Variants in ALG14 observed in about 807,000 individuals in gnomAD.
ALG14 encodes the protein ALG14 UDP-N-acetylglucosaminyltransferase subunit, also known as UDP-N-acetylglucosamine transferase subunit ALG14.
ALG14 carries 17 observed loss-of-function variants against 22.8 expected under a neutral mutation model. That is an observed-to-expected ratio of 0.75 (90% CI 0.51 to 1.12). ALG14 has a LOEUF of 1.12. Ranked by LOEUF, ALG14 falls within the 50% of genes most tolerant of loss-of-function variation. The pLI is 0.00. For synonymous variants in ALG14, 89 were observed against 103.7 expected (o/e 0.86, Z 0.86); for missense variants, 288 against 271.8 (o/e 1.06, Z -0.42).
chr1:94,997,304 A>G (rs1672934047), intron 3 of ALG14, among the ~76,000 whole-genome samples: 1 of 152,174 alleles, frequency 6.6e-6, no homozygotes, highest in Non-Finnish European at 1.5e-5. Flanking sequence ...CTCCCAGAGT[A>G]GTCTTAAAGG....
chr1:95,069,325 A>G (rs1006163556), intron 1 of ALG14, among the ~76,000 whole-genome samples: 2 of 152,162 alleles, frequency 1.3e-5, no homozygotes, highest in Admixed American at 1.3e-4. Flanking sequence ...AAAAACCAAA[A>G]CAAAACTTCA....
intron 2 of ALG14, among the ~76,000 whole-genome samples, chr1:95,043,386 G>A (rs1363869353): frequency 6.6e-6 from 1 of 152,148 alleles, no homozygotes; most frequent in Non-Finnish European, 1.5e-5. Flanking sequence ...TAAAGGCCAG[G>A]GATGCTGCTA....
rs529739914 is a variant in ALG14, at chr1:95,064,014, T to C, written c.288+852A>G. 2.0e-5 allele frequency among the ~76,000 whole-genome samples: 3 copies of C among 152,312 alleles called. No individual in the cohort carries two copies. The South Asian group carries it at 6.2e-4, about 32-fold the overall frequency. On this transcript the variant is annotated intron_variant, in intron 2 of 3. Transcript: ENST00000370205. Reference sequence around the variant, plus strand: ...TCCTTCACTTCCCTTGTTAGCTATATTCCTAGGTATTTTATTCTTTTTGCA... The same window carrying C: ...TCCTTCACTTCCCTTGTTAGCTATACTCCTAGGTATTTTATTCTTTTTGCA...
chr1:95,045,664 GTATA>G (rs1674523352), intron 2 of ALG14, among the ~76,000 whole-genome samples: 3 of 144,492 alleles, frequency 2.1e-5, no homozygotes, highest in Non-Finnish European at 4.5e-5. Context: ...TAACAGAATG[GTATA>G]CTAATAGAAT....
At chr1:95,053,896 T>C (rs143883403) in intron 2 of ALG14, among the ~76,000 whole-genome samples, 1 of 152,330 alleles carries the variant, frequency 6.6e-6, no homozygotes, top group African/African-American at 2.4e-5. Context: ...TCAAACATAC[T>C]AGGCTACAAA....
chr1:95,014,142 G>A (rs1423644462), intron 3 of ALG14, among the ~76,000 whole-genome samples: 1 of 152,166 alleles, frequency 6.6e-6, no homozygotes, highest in Non-Finnish European at 1.5e-5. Context: ...TTTCAGTACA[G>A]CATTGTTCAC....
At chr1:95,040,023 T>C (rs1302328827) in intron 2 of ALG14, among the ~76,000 whole-genome samples, 1 of 151,702 alleles carries the variant, frequency 6.6e-6, no homozygotes, top group Non-Finnish European at 1.5e-5. Context: ...AAATACAATA[T>C]TAGCCAGGTG....
chr1:95,069,857 T>C (rs1286223961), intron 1 of ALG14, among the ~76,000 whole-genome samples: 3 of 152,036 alleles, frequency 2.0e-5, no homozygotes, highest in African/African-American at 7.2e-5. Flanking sequence ...AACCTAAAAA[T>C]ACTACTCTAA....
chr1:95,058,769 A>G (rs1305772320), intron 2 of ALG14, among the ~76,000 whole-genome samples: 1 of 152,008 alleles, frequency 6.6e-6, no homozygotes, highest in Non-Finnish European at 1.5e-5. Context: ...ATGGTATACA[A>G]GAAACAGCGG....
chr1:95,012,605 T>C (rs1392944526), intron 3 of ALG14, among the ~76,000 whole-genome samples: 1 of 152,210 alleles, frequency 6.6e-6, no homozygotes, highest in African/African-American at 2.4e-5. Context: ...AGTTTAGTCA[T>C]ATACCCTATC....
intron 2 of ALG14, among the ~76,000 whole-genome samples, chr1:95,034,099 T>C (rs1167819008): frequency 6.6e-6 from 1 of 152,192 alleles, no homozygotes; most frequent in Non-Finnish European, 1.5e-5. Flanking sequence ...CCTGAGGGCC[T>C]TGTCTGCTCA....
chr1:95,048,456 G>A (rs888197089), intron 2 of ALG14, among the ~76,000 whole-genome samples: 4 of 152,154 alleles, frequency 2.6e-5, no homozygotes, highest in African/African-American at 7.2e-5. Context: ...AGGCAGTTAA[G>A]AAACAAGGCT....
Position 95,052,321 on chromosome 1 carries a change from A to C in ALG14, c.288+12545T>G, listed in dbSNP as rs544244634. Among the ~76,000 whole-genome samples the C allele has an allele frequency of 1.8e-4, 28 of 152,352 alleles. No homozygotes were observed. The South Asian group carries it at 4.6e-3, about 25-fold the overall frequency. ...TATACATCTAAATAAGCACAACTGT[A>C]TAAAGCAATAATAATGATAACTAAT... On this transcript the variant is annotated intron_variant, in intron 2 of 3. Coordinates refer to ENST00000370205, the MANE Select transcript of ALG14 (RefSeq NM_144988.4).
intron 2 of ALG14, among the ~76,000 whole-genome samples, chr1:95,048,450 A>C (rs1674632035): frequency 6.6e-6 from 1 of 152,182 alleles, no homozygotes; most frequent in Admixed American, 6.5e-5. Context: ...CAAGGGAGGC[A>C]GTTAAGAAAC....
chr1:95,011,201 C>G (rs1673350442), intron 3 of ALG14, among the ~76,000 whole-genome samples: 1 of 152,084 alleles, frequency 6.6e-6, no homozygotes, highest in African/African-American at 2.4e-5. Context: ...AGCAGATGGG[C>G]TTTTGGGAGA....
At chr1:94,984,936 CTT>C (rs564359879) in intron 3 of ALG14, among the ~76,000 whole-genome samples, 1 of 151,092 alleles carries the variant, frequency 6.6e-6, no homozygotes, top group Non-Finnish European at 1.5e-5. Flanking sequence ...GACAAGTTCT[CTT>C]TTTTTTCTTT....
At position 94,979,602 on chromosome 1, in the gene ALG14, C is replaced by T. The variant is rs886887605; in HGVS notation, c.*3474G>A. On this transcript the variant is annotated 3_prime_UTR_variant, in exon 4 of 4. Transcript: ENST00000370205. ...TAATTTCAAGGAGAGAAGAGGAAGA[C>T]GAGAAAATTCTGGGGATAATGAAAC... 2.0e-5 allele frequency: 3 copies of T among 151,864 alleles called. No homozygotes were observed. The highest frequency in any genetic ancestry group is 4.8e-5 in the African/African-American group (2 of 41,332). The allele number at this position is 151,864 out of a possible 1,614,324, so 9.4% of individuals were successfully genotyped here.
At chr1:95,047,590 C>T (rs1016505378) in intron 2 of ALG14, among the ~76,000 whole-genome samples, 12 of 152,102 alleles carry the variant, frequency 7.9e-5, no homozygotes, top group South Asian at 4.1e-4. Context: ...CTGATCTGCC[C>T]GCCTTGGCCT....
At position 95,027,064 on chromosome 1, in the gene ALG14, TC is replaced by T. The variant is rs529234460; in HGVS notation, c.420+64del. 2.7e-5 allele frequency: 43 copies of T among 1,576,434 alleles called. No individual in the cohort carries two copies. The East Asian group carries it at 9.0e-4, about 33-fold the overall frequency. ...GGTAGCTGTTTAAGAAAACAGTATG[TC>T]CTGTTACTAACGAAAGATCTACAGG... On this transcript the variant is annotated intron_variant, in intron 3 of 3. Transcript: ENST00000370205.
Sources: allele counts gnomAD v4.1 joint callset (sites outside exome capture counted in the v4.1 genomes callset), GRCh38; gene constraint gnomAD v4.1.1; transcripts MANE v1.5; gene names NCBI Gene and HGNC (gene_info 2026-07-23, HGNC 2026-07-21).